ZSWIM2: variants seen among roughly 807,000 people sequenced by gnomAD.
ZSWIM2 encodes E3 ubiquitin-protein ligase ZSWIM2.
In ZSWIM2, 38 loss-of-function variants were observed where a neutral mutation model predicts 48.4. The observed-to-expected ratio is 0.79, with a 90% CI of 0.61 to 1.03. The LOEUF is 1.03. Among genes scored for constraint, ZSWIM2 ranks in the 50% least tolerant of loss-of-function variants. ZSWIM2 has a pLI of 0.00. For missense variants in ZSWIM2, 776 were observed against 730.2 expected (o/e 1.06, Z -0.72); for synonymous variants, 240 against 251.3 (o/e 0.96, Z 0.42).
chr2:186,842,414 T>C (rs1691921783), intron 3 of ZSWIM2, among the ~76,000 whole-genome samples: 1 of 151,366 alleles, frequency 6.6e-6, no homozygotes, highest in Admixed American at 6.6e-5. Flanking sequence ...AAAAAATCTT[T>C]ATTTCAGAAG....
intron 4 of ZSWIM2, 78 bp from the exon 5 acceptor site, chr2:186,837,632 T>TA: frequency 2.5e-6 from 1 of 395,716 alleles, no homozygotes; most frequent in Non-Finnish European, 3.5e-6. Flanking sequence ...ATATATATTA[T>TA]ATATATATTT....
At chr2:186,846,443 AC>A (rs1210429291) in intron 2 of ZSWIM2, among the ~76,000 whole-genome samples, 2 of 151,928 alleles carry the variant, frequency 1.3e-5, no homozygotes, top group Non-Finnish European at 2.9e-5. Flanking sequence ...ATCATCTTAT[AC>A]ATGTCATAAT....
In ZSWIM2 at chr2:186,828,651, T is replaced by C; in HGVS notation, c.1235A>G (p.Asp412Gly). The C allele has an allele frequency of 6.2e-7, 1 of 1,613,322 alleles. No individual in the cohort carries two copies. The highest frequency in any genetic ancestry group is 8.5e-7 in the Non-Finnish European group (1 of 1,179,644). The change falls in exon 9 of 9, where the codon GAC (aspartate) becomes GGC (glycine). Residue 412 changes from aspartate to glycine, a missense_variant. Asp to Gly is a moderately conservative substitution (Grantham distance 94, BLOSUM62 -1). Coordinates refer to ENST00000295131, the MANE Select transcript of ZSWIM2 (RefSeq NM_182521.3). ...GQAHQSVSNR[D>G]IIHLSKQKEP... ...TTTCTGCTTTGATAGATGAATGATGTCTCTGTTTGAAACAGACTGATGTGC... is the reference window on the plus strand; with the variant it reads ...TTTCTGCTTTGATAGATGAATGATGCCTCTGTTTGAAACAGACTGATGTGC...
chr2:186,847,897 G>C (rs1222769292), intron 1 of ZSWIM2, 102 bp from the exon 2 acceptor site: 2 of 727,112 alleles, frequency 2.8e-6, no homozygotes, highest in Non-Finnish European at 4.5e-6. Context: ...TAGTTTAGGT[G>C]ATTCAAAAAG....
In ZSWIM2 at chr2:186,839,960, C is replaced by T. The variant is rs142415454; in HGVS notation, c.284-791G>A. 2.4e-4 allele frequency among the ~76,000 whole-genome samples: 36 copies of T among 151,642 alleles called. No individual in the cohort carries two copies. The East Asian group carries it at 6.9e-3, about 29-fold the overall frequency. On this transcript the variant is annotated intron_variant, in intron 3 of 8. Transcript: ENST00000295131. ...ATGCTAGTTGTTATCGGTCCCCTGC[C>T]TTCTATTGATTTTATGTATCTTTTT...
chr2:186,836,420 G>A (rs922909287), intron 5 of ZSWIM2, among the ~76,000 whole-genome samples: 2 of 151,946 alleles, frequency 1.3e-5, no homozygotes, highest in African/African-American at 2.4e-5. Flanking sequence ...AAATACTTTT[G>A]TTAATAATCA....
rs908428997 is a variant in ZSWIM2, at chr2:186,837,325, T to C, written c.724A>G (p.Ile242Val). The C allele has an allele frequency of 8.1e-6, 13 of 1,612,626 alleles. No individual in the cohort carries two copies. The highest frequency in any genetic ancestry group is 2.2e-5 in the South Asian group (2 of 91,050). ...ACTTACTTATAACACTTCCCCTCAA[T>C]TGGAAACTGTTTGCAGTTATTACAG... ...IPCNNCKQFP[I>V]EGKCYKCTEC... The change falls in exon 5 of 9, where the codon ATT becomes GTT. Residue 242 changes from isoleucine to valine, a missense_variant. Coordinates refer to ENST00000295131, the MANE Select transcript of ZSWIM2 (RefSeq NM_182521.3).
At chr2:186,837,607 C>T in intron 4 of ZSWIM2, 53 bp from the exon 5 acceptor site, 3 of 918,502 alleles carry the variant, frequency 3.3e-6, no homozygotes, top group Admixed American at 2.4e-5. Context: ...TTTTACATAT[C>T]CATTGTATAT....
In ZSWIM2 at chr2:186,828,780, T is replaced by A; in HGVS notation, c.1106A>T (p.Lys369Met). Reference sequence around the variant, plus strand: ...GTGGAATAACCAGTTGTCAATACACTTCCTGTGAAACTTTAAAAAAAAGGT... The same window carrying A: ...GTGGAATAACCAGTTGTCAATACACATCCTGTGAAACTTTAAAAAAAAGGT... Reference protein sequence around the residue: ...LLPCTHKFHRKCIDNWLFHKC... With the variant: ...LLPCTHKFHRMCIDNWLFHKC... The change falls in exon 9 of 9, where the codon AAG (lysine) becomes ATG (methionine). Residue 369 changes from lysine to methionine, a missense_variant. Physicochemically the swap from Lys to Met is moderately conservative, Grantham distance 95. Coordinates refer to ENST00000295131, the MANE Select transcript of ZSWIM2 (RefSeq NM_182521.3). The A allele has an allele frequency of 6.5e-7, 1 of 1,536,698 alleles. No individual in the cohort carries two copies. The highest frequency in any genetic ancestry group is 2.3e-5 in the East Asian group (1 of 44,012).
At chr2:186,848,945 G>A (rs1463126434) in intron 1 of ZSWIM2, 21 bp downstream of exon 1, 1 of 1,613,454 alleles carries the variant, frequency 6.2e-7, no homozygotes, top group East Asian at 2.2e-5. Flanking sequence ...GCCAACTGGG[G>A]GCGGTAGGGG....
intron 7 of ZSWIM2, among the ~76,000 whole-genome samples, chr2:186,832,912 T>C (rs1167520317): frequency 4.6e-5 from 7 of 152,294 alleles, no homozygotes; most frequent in Admixed American, 2.6e-4. Flanking sequence ...ACAAGCCACA[T>C]AGCCAATGTG....
chr2:186,847,554 T>A (rs1375536438), intron 2 of ZSWIM2, among the ~76,000 whole-genome samples, 165 bp downstream of exon 2: 1 of 152,126 alleles, frequency 6.6e-6, no homozygotes, highest in Non-Finnish European at 1.5e-5. Flanking sequence ...CAGAATAAAA[T>A]GAAATACTGA....
At chr2:186,842,067 A>C (rs1039233833) in intron 3 of ZSWIM2, among the ~76,000 whole-genome samples, 3 of 151,160 alleles carry the variant, frequency 2.0e-5, no homozygotes, top group Non-Finnish European at 3.0e-5. Flanking sequence ...TCGGTCTTTG[A>C]AAAGAGAGTC....
chr2:186,847,826 C>A, intron 1 of ZSWIM2, 31 bp from the exon 2 acceptor site: 1 of 1,541,808 alleles, frequency 6.5e-7, no homozygotes, highest in Non-Finnish European at 8.9e-7. Flanking sequence ...CTTAAAAAGA[C>A]CAGTAAAATT....
Position 186,828,467 on chromosome 2 carries a change from G to GA in ZSWIM2, c.1418dup (p.Lys474GlnfsTer4). On this transcript the variant is annotated frameshift_variant, in exon 9 of 9. Coordinates refer to ENST00000295131, the MANE Select transcript of ZSWIM2 (RefSeq NM_182521.3). LOFTEE classifies it low-confidence loss of function (END_TRUNC). ...TTTTTGAATTTGAATTATCTAATTT[G>GA]ATAGAGCATAGATTATCTATTGTTG... is the stretch of plus-strand genomic sequence containing the variant. 6.2e-7 allele frequency: 1 copy of GA among 1,613,252 alleles called. No individual in the cohort carries two copies. Among genetic ancestry groups the GA allele is most frequent in the East Asian group, 2.2e-5 (1 of 44,852 alleles).
At chr2:186,837,621 T>A (rs988120260) in intron 4 of ZSWIM2, 67 bp from the exon 5 acceptor site, 10 of 401,386 alleles carry the variant, frequency 2.5e-5, no homozygotes, top group Non-Finnish European at 3.2e-5. Flanking sequence ...TGTATATATA[T>A]ATATATATTA....
intron 3 of ZSWIM2, among the ~76,000 whole-genome samples, chr2:186,840,812 C>T (rs1261293817): frequency 6.6e-6 from 1 of 151,312 alleles, no homozygotes. Flanking sequence ...AACACAAAAA[C>T]TCCTATATGT....
intron 4 of ZSWIM2, among the ~76,000 whole-genome samples, chr2:186,838,239 TAAAA>T (rs927815853): frequency 6.8e-6 from 1 of 146,984 alleles, no homozygotes; most frequent in African/African-American, 2.5e-5. Context: ...AAATTAAAAA[TAAAA>T]TAAAATAAAA....
chr2:186,843,976 T>G lies in ZSWIM2; in HGVS notation c.283+741A>C, dbSNP rs149209339. Among the ~76,000 whole-genome samples the G allele has an allele frequency of 1.1e-4, 17 of 151,808 alleles. No individual in the cohort carries two copies. In the East Asian group the frequency reaches 3.3e-3, roughly 29 times the overall value. ...CTAAATAAAACCAATTCTTTTTGAA[T>G]AGAAAAAATTTAAAACTAATTATCA... On this transcript the variant is annotated intron_variant, in intron 3 of 8. Coordinates refer to ENST00000295131, the MANE Select transcript of ZSWIM2 (RefSeq NM_182521.3).
Sources: allele counts gnomAD v4.1 joint callset (sites outside exome capture counted in the v4.1 genomes callset), GRCh38; gene constraint gnomAD v4.1.1; transcripts MANE v1.5; gene names NCBI Gene and HGNC (gene_info 2026-07-23, HGNC 2026-07-21).